The following PRKCE variants were observed in gnomAD, a reference collection of about 807,000 sequenced individuals.
PRKCE encodes the protein protein kinase C epsilon, also known as protein kinase C epsilon type.
In PRKCE, 16 loss-of-function variants were observed where a neutral mutation model predicts 85.4. The observed-to-expected ratio is 0.19, with a 90% confidence interval of 0.13 to 0.28. PRKCE has a LOEUF of 0.28. Among genes scored for constraint, PRKCE ranks in the 10% least tolerant of loss-of-function variants. PRKCE has a pLI of 1.00. For missense variants in PRKCE, 573 were observed against 975.2 expected (o/e 0.59, Z 5.49); for synonymous variants, 388 against 371.5 (o/e 1.04, Z -0.51).
intron 2 of PRKCE, among the ~76,000 whole-genome samples, chr2:45,928,666 C>G (rs1285286279): frequency 6.6e-6 from 1 of 152,162 alleles, no homozygotes; most frequent in African/African-American, 2.4e-5. Flanking sequence ...AGAAGGATGC[C>G]GAAGCGTCTT....
chr2:45,998,882 A>G (rs1704437748), intron 6 of PRKCE, among the ~76,000 whole-genome samples: 1 of 152,160 alleles, frequency 6.6e-6, no homozygotes, highest in Non-Finnish European at 1.5e-5. Flanking sequence ...AGTTTGCAGT[A>G]TGCATTTACA....
chr2:45,879,032 G>C (rs1484084275), intron 2 of PRKCE, among the ~76,000 whole-genome samples: 1 of 152,148 alleles, frequency 6.6e-6, no homozygotes, highest in African/African-American at 2.4e-5. Flanking sequence ...CTCAAGCCTG[G>C]AACTACGGCA....
intron 11 of PRKCE, among the ~76,000 whole-genome samples, chr2:46,135,746 C>CTTTTTGTTTTTTTTTTTTTTT (rs1674916867): frequency 4.8e-5 from 1 of 20,658 alleles, no homozygotes; most frequent in African/African-American, 2.6e-4. Context: ...ACAAATTATG[C>CTTTTTGTTTTTTTTTTTTTTT]TTTTTTTTTT....
At chr2:46,076,264 T>C (rs1022819396) in intron 10 of PRKCE, among the ~76,000 whole-genome samples, 1 of 152,208 alleles carries the variant, frequency 6.6e-6, no homozygotes, top group Non-Finnish European at 1.5e-5. Flanking sequence ...AGATGTAGCC[T>C]AGCTGGGGGC....
At chr2:45,904,789 C>T (rs993515809) in intron 2 of PRKCE, among the ~76,000 whole-genome samples, 2 of 152,210 alleles carry the variant, frequency 1.3e-5, no homozygotes, top group African/African-American at 4.8e-5. Context: ...CCCCGCTGCC[C>T]CAGAAGCCTG....
chr2:46,075,831 G>A (rs752023956), intron 10 of PRKCE, among the ~76,000 whole-genome samples: 18 of 152,228 alleles, frequency 1.2e-4, no homozygotes, highest in Non-Finnish European at 1.9e-4. Context: ...AGACTGGAGC[G>A]TAAAACTTCT....
chr2:45,726,285 A>G (rs1194235728), intron 1 of PRKCE, among the ~76,000 whole-genome samples: 1 of 152,224 alleles, frequency 6.6e-6, no homozygotes, highest in Admixed American at 6.5e-5. Context: ...CATGCTACAG[A>G]GAAATCTTTT....
chr2:45,909,408 A>T (rs1050429841), intron 2 of PRKCE, among the ~76,000 whole-genome samples: 1 of 139,288 alleles, frequency 7.2e-6, no homozygotes, highest in African/African-American at 2.5e-5. Context: ...GTGCATCATA[A>T]TCTCCCCCAT....
rs559657604 is a variant in PRKCE, at chr2:45,977,160, G to A, written c.572+572G>A. On this transcript the variant is annotated intron_variant, in intron 3 of 14. Coordinates refer to ENST00000306156, the MANE Select transcript of PRKCE (RefSeq NM_005400.3). Reference sequence around the variant, plus strand: ...GATCCACCCACCTCTGCCCCCCAAAGTGCTGGGATTATAGATGTGAGCCAT... The same window carrying A: ...GATCCACCCACCTCTGCCCCCCAAAATGCTGGGATTATAGATGTGAGCCAT... Among the ~76,000 whole-genome samples the A allele has an allele frequency of 2.6e-3, 403 of 152,214 alleles. 4 individuals are homozygous for A. The highest frequency in any genetic ancestry group is 8.3e-3 in the South Asian group (40 of 4,818).
At chr2:45,773,680 C>T (rs1685521709) in intron 1 of PRKCE, among the ~76,000 whole-genome samples, 2 of 152,222 alleles carry the variant, frequency 1.3e-5, no homozygotes, top group African/African-American at 4.8e-5. Context: ...CCCAAGTAGG[C>T]CTTGGCCTGG....
chr2:45,960,879 A>G (rs1305425733), intron 2 of PRKCE, among the ~76,000 whole-genome samples: 1 of 152,190 alleles, frequency 6.6e-6, no homozygotes, highest in Non-Finnish European at 1.5e-5. Flanking sequence ...CTACCTGCCC[A>G]GCACAACCTC....
In PRKCE at chr2:46,100,955, G is replaced by A. The variant is rs551661728; in HGVS notation, c.1592+14593G>A. On this transcript the variant is annotated intron_variant, in intron 11 of 14. Coordinates refer to ENST00000306156, the MANE Select transcript of PRKCE (RefSeq NM_005400.3). The stretch of plus-strand genomic sequence containing the variant: ...ACGATCTCAGCTCACTGCAACCTCC[G>A]CCTCCCAGGTTCAAGCGATTCTCCC... 1.2e-4 allele frequency among the ~76,000 whole-genome samples: 18 copies of A among 151,938 alleles called. No homozygotes were observed. In the South Asian group the frequency reaches 2.5e-3, roughly 21 times the overall value.
At chr2:45,838,731 G>A (rs930470341) in intron 1 of PRKCE, among the ~76,000 whole-genome samples, 2 of 152,116 alleles carry the variant, frequency 1.3e-5, no homozygotes, top group Non-Finnish European at 2.9e-5. Context: ...TCCTGCCTCT[G>A]CCTCCCAAGT....
At chr2:46,150,922 G>A in intron 12 of PRKCE, 119 bp from the exon 13 acceptor site, 1 of 864,518 alleles carries the variant, frequency 1.2e-6, no homozygotes, top group Non-Finnish European at 1.7e-6. Context: ...CTAGGACTAG[G>A]ACTCAACTGT....
chr2:45,712,137 CTTTTTTTTTTTTT>C lies in PRKCE; in HGVS notation c.348+59704_348+59716del, dbSNP rs34233761. Reference sequence around the variant, plus strand: ...ACCTCTTGCCACTCTACGGCCTGTCCTTTTTTTTTTTTTTTTTTTTTTTTTTTGAGACAGAGTT... The same window carrying C: ...ACCTCTTGCCACTCTACGGCCTGTCCTTTTTTTTTTTTTTGAGACAGAGTT... On this transcript the variant is annotated intron_variant, in intron 1 of 14. Transcript: ENST00000306156. 3.7e-4 allele frequency among the ~76,000 whole-genome samples: 17 copies of C among 45,840 alleles called. 1 individual carries two copies. Among genetic ancestry groups the C allele is most frequent in the Admixed American group, 1.4e-3 (4 of 2,766 alleles). 30.1% of individuals were successfully genotyped at this position (45,840 alleles called of 152,430 possible).
intron 2 of PRKCE, among the ~76,000 whole-genome samples, chr2:45,937,837 C>G (rs906739337): frequency 6.6e-6 from 1 of 152,222 alleles, no homozygotes; most frequent in African/African-American, 2.4e-5. Flanking sequence ...CACTCCAACT[C>G]TGGAAGGTAG....
At chr2:45,941,377 T>G (rs1040279516) in intron 2 of PRKCE, among the ~76,000 whole-genome samples, 1 of 152,138 alleles carries the variant, frequency 6.6e-6, no homozygotes, top group Admixed American at 6.6e-5. Context: ...ATCTATAGAT[T>G]AGGTGATCTG....
At chr2:46,107,228 C>T (rs1671812670) in intron 11 of PRKCE, among the ~76,000 whole-genome samples, 1 of 152,222 alleles carries the variant, frequency 6.6e-6, no homozygotes, top group African/African-American at 2.4e-5. Flanking sequence ...TTGCAGAATG[C>T]CATTTAATTG....
intron 2 of PRKCE, among the ~76,000 whole-genome samples, chr2:45,909,378 T>G (rs978041166): frequency 6.6e-6 from 1 of 152,086 alleles, no homozygotes; most frequent in Non-Finnish European, 1.5e-5. Context: ...TATTAACAAT[T>G]CAACAGACTT....
Sources: allele counts gnomAD v4.1 joint callset (sites outside exome capture counted in the v4.1 genomes callset), GRCh38; gene constraint gnomAD v4.1.1; transcripts MANE v1.5; gene names NCBI Gene and HGNC (gene_info 2026-07-23, HGNC 2026-07-21).